Variants in ATP8A2 observed in about 807,000 individuals in gnomAD.
ATP8A2 encodes phospholipid-transporting ATPase IB.
A neutral mutation model predicts 165.6 loss-of-function variants in ATP8A2; 100 were observed. The ratio of observed to expected loss-of-function variants is 0.60; its 90% CI spans 0.51 to 0.71. The LOEUF (loss-of-function observed/expected upper bound fraction) is 0.71. Among genes scored for constraint, ATP8A2 ranks in the 30% least tolerant of loss-of-function variants. ATP8A2 has a pLI of 0.00. For synonymous variants in ATP8A2, 543 were observed against 548.8 expected, an observed-to-expected ratio of 0.99 and a Z score of 0.15; for missense variants, 1,227 against 1,479.5, an observed-to-expected ratio of 0.83 and a Z score of 2.80.
chr13:25,512,954 G>C (rs1298123075), intron 2 of ATP8A2, among the ~76,000 whole-genome samples: 1 of 134,982 alleles, frequency 7.4e-6, no homozygotes, highest in Non-Finnish European at 1.7e-5. Flanking sequence ...CTGGCCGGGT[G>C]GGGGGCTGAC....
intron 33 of ATP8A2, among the ~76,000 whole-genome samples, chr13:25,945,096 CG>C (rs1263405991): frequency 1.3e-5 from 2 of 151,892 alleles, no homozygotes; most frequent in African/African-American, 4.8e-5. Flanking sequence ...ATACTAGGGA[CG>C]GGGTGGGAGG....
chr13:25,566,393 T>A (rs2039314921), intron 16 of ATP8A2, among the ~76,000 whole-genome samples: 1 of 152,136 alleles, frequency 6.6e-6, no homozygotes, highest in Non-Finnish European at 1.5e-5. Flanking sequence ...GTGGTTTTAA[T>A]CAAAGATGTC....
chr13:25,675,851 G>A (rs971757600), intron 24 of ATP8A2, among the ~76,000 whole-genome samples: 42 of 152,082 alleles, frequency 2.8e-4, no homozygotes, highest in Non-Finnish European at 4.9e-4. Context: ...GACATTTTAA[G>A]TTGAAATGCC....
At chr13:25,833,897 T>C (rs1951541542) in intron 28 of ATP8A2, among the ~76,000 whole-genome samples, 1 of 152,192 alleles carries the variant, frequency 6.6e-6, no homozygotes, top group African/African-American at 2.4e-5. Flanking sequence ...GCATGAAATT[T>C]CATAATATAA....
At chr13:25,376,602 T>C (rs1042779048) in intron 1 of ATP8A2, among the ~76,000 whole-genome samples, 2 of 152,252 alleles carry the variant, frequency 1.3e-5, no homozygotes, top group Non-Finnish European at 2.9e-5. Flanking sequence ...TAGTGGTCTG[T>C]GGGTATGTGC....
Position 25,435,920 on chromosome 13 carries a change from T to TGTGTGAGTGA in ATP8A2, c.77-33052_77-33051insAGTGAGTGTG, listed in dbSNP as rs1200727289. Among the ~76,000 whole-genome samples the TGTGTGAGTGA allele has an allele frequency of 2.2e-4, 12 of 54,238 alleles. No homozygotes were observed. In the East Asian group the frequency reaches 2.9e-3, roughly 13 times the overall value. The allele number at this position is 54,238 out of a possible 152,430, so 35.6% of individuals were successfully genotyped here. On this transcript the variant is annotated intron_variant, in intron 1 of 36. Coordinates refer to ENST00000381655, the MANE Select transcript of ATP8A2 (RefSeq NM_016529.6). ...CAGTTAAGAAAAAGCATCGTGTGTG[T>TGTGTGAGTGA]GTGTGTGTGTGAGTGTGTGTGTGTG...
intron 33 of ATP8A2, among the ~76,000 whole-genome samples, chr13:25,881,993 T>A (rs1023543618): frequency 1.4e-4 from 22 of 152,220 alleles, no homozygotes; most frequent in Non-Finnish European, 2.8e-4. Flanking sequence ...GGCTGACCAC[T>A]GGGGCAAAGA....
At chr13:25,660,831 G>A (rs1033019091) in intron 24 of ATP8A2, among the ~76,000 whole-genome samples, 19 of 152,086 alleles carry the variant, frequency 1.2e-4, no homozygotes, top group Non-Finnish European at 1.5e-5. Context: ...TGCTGCTACT[G>A]GGGATCCCGG....
intron 35 of ATP8A2, among the ~76,000 whole-genome samples, chr13:25,988,485 C>T (rs773592704): frequency 9.9e-5 from 15 of 152,196 alleles, no homozygotes; most frequent in East Asian, 5.8e-4. Context: ...CTCAGCTGCA[C>T]ACACATTACT....
intron 33 of ATP8A2, among the ~76,000 whole-genome samples, chr13:25,942,874 T>A (rs1955108303): frequency 6.6e-6 from 1 of 152,252 alleles, no homozygotes; most frequent in Non-Finnish European, 1.5e-5. Context: ...AACATCTGCC[T>A]GTGGTACAAA....
At chr13:25,790,774 A>G (rs971882881) in intron 27 of ATP8A2, among the ~76,000 whole-genome samples, 1 of 152,192 alleles carries the variant, frequency 6.6e-6, no homozygotes, top group Admixed American at 6.6e-5. Context: ...CAAGCATACA[A>G]AATAAAGCTC....
At chr13:25,956,194 C>T (rs1955515519) in intron 33 of ATP8A2, among the ~76,000 whole-genome samples, 2 of 152,184 alleles carry the variant, frequency 1.3e-5, no homozygotes, top group African/African-American at 4.8e-5. Flanking sequence ...GAAGCATTCC[C>T]TTTGAAAACA....
chr13:25,842,376 T>C (rs761657678), intron 30 of ATP8A2, among the ~76,000 whole-genome samples: 1 of 152,066 alleles, frequency 6.6e-6, no homozygotes, highest in South Asian at 2.1e-4. Flanking sequence ...GAGTATGAGG[T>C]TAAGAAACTG....
chr13:25,672,673 G>C (rs2042292685), intron 24 of ATP8A2, among the ~76,000 whole-genome samples: 1 of 152,022 alleles, frequency 6.6e-6, no homozygotes, highest in South Asian at 2.1e-4. Context: ...GCCTCTGCTG[G>C]TTGCCAGGCA....
At chr13:25,975,531 G>A (rs1956014110) in intron 35 of ATP8A2, among the ~76,000 whole-genome samples, 1 of 151,944 alleles carries the variant, frequency 6.6e-6, no homozygotes, top group Admixed American at 6.5e-5. Context: ...GCGGTGAGCC[G>A]AGATCGCGCC....
At chr13:25,850,499 C>T (rs941788591) in intron 30 of ATP8A2, among the ~76,000 whole-genome samples, 4 of 149,450 alleles carry the variant, frequency 2.7e-5, no homozygotes, top group African/African-American at 9.9e-5. Flanking sequence ...TCCATCTCTG[C>T]CCCCCATACT....
chr13:25,994,443 G>T (rs1454626429), intron 35 of ATP8A2, among the ~76,000 whole-genome samples: 1 of 152,042 alleles, frequency 6.6e-6, no homozygotes, highest in East Asian at 1.9e-4. Flanking sequence ...GGTCATCCTT[G>T]CCTTGTTCCC....
chr13:25,891,990 C>CTTTTTCTTT (rs1555286005), intron 33 of ATP8A2, among the ~76,000 whole-genome samples: 2 of 142,684 alleles, frequency 1.4e-5, no homozygotes, highest in Non-Finnish European at 3.1e-5. Flanking sequence ...AAGCCTTTTT[C>CTTTTTCTTT]TTTTTTTTTT....
intron 23 of ATP8A2, among the ~76,000 whole-genome samples, chr13:25,584,383 C>T (rs917416988): frequency 6.6e-6 from 1 of 152,226 alleles, no homozygotes; most frequent in East Asian, 1.9e-4. Flanking sequence ...TAGTATGAAC[C>T]ATTATGGACC....
Sources: gnomAD v4.1 joint callset for allele counts (sites outside exome capture counted in the v4.1 genomes callset) on GRCh38, gnomAD v4.1.1 for gene constraint, MANE v1.5 for transcripts, NCBI Gene and HGNC (gene_info 2026-07-23, HGNC 2026-07-21) for gene names.